Variants in LMF1 observed in about 807,000 individuals in gnomAD.
The protein encoded by LMF1 is lipase maturation factor 1.
Under a neutral mutation model 60.6 loss-of-function variants are expected in LMF1, and 68 were observed. That is an observed-to-expected ratio of 1.12 (90% CI 0.92 to 1.37). LMF1 has a LOEUF of 1.37. Among genes scored for constraint, LMF1 ranks in the 40% most tolerant of loss-of-function variants. The probability of loss-of-function intolerance (pLI) is 0.00; values close to 1 mark genes in which losing one functional copy is unlikely to be tolerated. For synonymous variants in LMF1, 418 were observed against 324.7 expected (o/e 1.29, Z -3.09); for missense variants, 948 against 767.2 (o/e 1.24, Z -2.78).
At chr16:959,265 T>C (rs2072773058) in intron 1 of LMF1, among the ~76,000 whole-genome samples, 1 of 152,198 alleles carries the variant, frequency 6.6e-6, no homozygotes, top group East Asian at 1.9e-4. Context: ...GTTCAGGCAA[T>C]AACATGGATG....
Position 874,416 on chromosome 16 carries a change from C to T in LMF1, c.898-3075G>A, listed in dbSNP as rs1428357639. 1.3e-5 allele frequency among the ~76,000 whole-genome samples: 2 copies of T among 152,184 alleles called. No individual in the cohort carries two copies. The highest frequency in any genetic ancestry group is 2.9e-5 in the Non-Finnish European group (2 of 68,022). On this transcript the variant is annotated intron_variant, in intron 6 of 10. Transcript: ENST00000262301. This position sits in a 1 kb window ranked among gnomAD's most constrained non-coding sequence, Gnocchi z 4.1. Reference sequence around the variant, plus strand: ...GCGCCTCAGAGGTTCCAGACCTGAGCTCACCCCCTGCCCCTCCCGCCCTGG... The same window carrying T: ...GCGCCTCAGAGGTTCCAGACCTGAGTTCACCCCCTGCCCCTCCCGCCCTGG...
intron 5 of LMF1, among the ~76,000 whole-genome samples, chr16:889,365 CATGGGTGTGAGG>C (rs1567188685): frequency 8.2e-5 from 12 of 145,578 alleles, no homozygotes; most frequent in African/African-American, 2.1e-4. Context: ...TGCGGATGGC[CATGGGTGTGAGG>C]CTGCGGATGG....
At chr16:937,906 G>A (rs1380289894) in intron 2 of LMF1, among the ~76,000 whole-genome samples, 12 of 151,598 alleles carry the variant, frequency 7.9e-5, no homozygotes, top group Non-Finnish European at 1.8e-4. Flanking sequence ...CCAGGTTCCT[G>A]ACTTGTGTCT....
intron 4 of LMF1, among the ~76,000 whole-genome samples, chr16:898,656 G>A (rs2070727566): frequency 6.6e-6 from 1 of 152,210 alleles, no homozygotes; most frequent in Non-Finnish European, 1.5e-5. Flanking sequence ...CAGCTTAGTC[G>A]GGCGAGGGGA....
chr16:860,761 T>C (rs2069439066), intron 10 of LMF1, among the ~76,000 whole-genome samples: 2 of 151,118 alleles, frequency 1.3e-5, no homozygotes, highest in South Asian at 2.1e-4. Context: ...TTTTGCGCTT[T>C]TGTAAAAAAA....
intron 10 of LMF1, among the ~76,000 whole-genome samples, chr16:866,885 TCAC>T (rs2069623565): frequency 6.6e-6 from 1 of 152,290 alleles, no homozygotes; most frequent in East Asian, 1.9e-4. Context: ...GCCTAGGCGA[TCAC>T]CACCATTTTG....
intron 6 of LMF1, chr16:873,293 C>T (rs976271852): frequency 6.6e-6 from 1 of 152,334 alleles, no homozygotes; most frequent in Non-Finnish European, 1.5e-5. Context: ...TTCTCACTGC[C>T]CATCTGTGCT....
At position 878,655 on chromosome 16, in the gene LMF1, C is replaced by A. The variant is rs2070066515; in HGVS notation, c.897+915G>T. ...ACAACCATGGGCGCCCCCACGTGCA[C>A]CAACGTGGCGTGGCACCCGTGCCTG... On this transcript the variant is annotated intron_variant, in intron 6 of 10. Transcript: ENST00000262301. The surrounding 1 kb of genome is among the most constrained non-coding windows in gnomAD (Gnocchi z 5.2). Among the ~76,000 whole-genome samples, 1 of 151,316 alleles carries A rather than the reference C, an allele frequency of 6.6e-6. No individual in the cohort carries two copies. The highest frequency in any genetic ancestry group is 2.1e-4 in the South Asian group (1 of 4,808).
At chr16:979,775 AG>A (rs1437901383) in intron 1 of LMF1, 1 of 453,960 alleles carries the variant, frequency 2.2e-6, no homozygotes, top group Non-Finnish European at 4.4e-6. Flanking sequence ...TCCCAGGGGC[AG>A]GGGGTGGAAG....
At chr16:933,541 C>G in intron 3 of LMF1, 1 of 172,500 alleles carries the variant, frequency 5.8e-6, no homozygotes. Context: ...GCAGAGAGAG[C>G]CTGAGTGCGA....
intron 1 of LMF1, among the ~76,000 whole-genome samples, chr16:965,271 A>G (rs2072901503): frequency 6.8e-6 from 1 of 146,964 alleles, no homozygotes; most frequent in African/African-American, 2.6e-5. Flanking sequence ...CACGCTACGA[A>G]GCTAGACAGG....
intron 6 of LMF1, among the ~76,000 whole-genome samples, chr16:875,027 G>T (rs554750962): frequency 6.6e-6 from 1 of 152,302 alleles, no homozygotes; most frequent in East Asian, 1.9e-4. Context: ...GTCTTCCAAG[G>T]GGGGACGCCA....
At chr16:919,867 A>C (rs920491681) in intron 3 of LMF1, among the ~76,000 whole-genome samples, 1 of 152,040 alleles carries the variant, frequency 6.6e-6, no homozygotes, top group African/African-American at 2.4e-5. Context: ...TCCCCACCCC[A>C]CAGCTCCGCC....
intron 5 of LMF1, among the ~76,000 whole-genome samples, chr16:891,297 T>C (rs1193651878): frequency 6.6e-6 from 1 of 152,134 alleles, no homozygotes; most frequent in East Asian, 1.9e-4. Context: ...CCTGAGACAC[T>C]CCTGGGCCCA....
intron 1 of LMF1, among the ~76,000 whole-genome samples, chr16:957,371 T>C (rs2072729315): frequency 6.6e-6 from 1 of 152,118 alleles, no homozygotes; most frequent in African/African-American, 2.4e-5. Flanking sequence ...TCCCCATGCA[T>C]TTATAAATCT....
chr16:980,185 T>A (rs1177970206), intron 1 of LMF1: 1 of 198,852 alleles, frequency 5.0e-6, no homozygotes, highest in Non-Finnish European at 1.0e-5. Context: ...CTCTTCAGCC[T>A]GGAGGCCAAT....
At chr16:915,232 T>C (rs1295194335) in intron 3 of LMF1, among the ~76,000 whole-genome samples, 1 of 152,144 alleles carries the variant, frequency 6.6e-6, no homozygotes, top group Admixed American at 6.5e-5. Flanking sequence ...CCTGTGTGCA[T>C]AGGTGTGAGG....
At chr16:935,578 A>AAAAAAAC (rs1290387927) in intron 2 of LMF1, among the ~76,000 whole-genome samples, 1 of 152,136 alleles carries the variant, frequency 6.6e-6, no homozygotes, top group African/African-American at 2.4e-5. Flanking sequence ...AGCTAAAAAA[A>AAAAAAAC]AAAAAACTCA....
Position 893,070 on chromosome 16 carries a change from G to A in LMF1, c.666C>T (p.Gly222=). ...WLIFRIMLGA[G]LIKIRGDRCW... is the part of the protein sequence containing the mutation. ...ACCGGTCCCCCCGGATCTTGATCAG[G>A]CCCTGCAAGGAAGAGAGCAGAGGGA... Residue 222 remains glycine (G), a splice_region_variant and synonymous_variant, in exon 5 of 11, where the codon GGC becomes GGT. Coordinates refer to ENST00000262301, the MANE Select transcript of LMF1 (RefSeq NM_022773.4). 1 of 1,553,928 alleles carries A rather than the reference G, an allele frequency of 6.4e-7. No individual in the cohort carries two copies. The highest frequency in any genetic ancestry group is 2.4e-5 in the East Asian group (1 of 41,138).
Sources: gnomAD v4.1 joint callset for allele counts (sites outside exome capture counted in the v4.1 genomes callset) on GRCh38, gnomAD v4.1.1 for gene constraint, Gnocchi (gnomAD v3.1) non-coding constraint, MANE v1.5 for transcripts, NCBI Gene and HGNC (gene_info 2026-07-23, HGNC 2026-07-21) for gene names.